Variants in PEX14 observed in about 807,000 individuals in gnomAD.
PEX14 encodes peroxisomal biogenesis factor 14.
PEX14 carries 15 observed loss-of-function variants against 49.5 expected under a neutral mutation model. That is an observed-to-expected ratio of 0.30 (90% CI 0.20 to 0.47). The LOEUF (loss-of-function observed/expected upper bound fraction) is 0.47. Among genes scored for constraint, PEX14 ranks in the 20% least tolerant of loss-of-function variants. The probability of loss-of-function intolerance (pLI) is 1.00; values close to 1 mark genes in which losing one functional copy is unlikely to be tolerated. For synonymous variants in PEX14, 210 were observed against 212.7 expected, an observed-to-expected ratio of 0.99 and a Z score of 0.11; for missense variants, 398 against 494.8, an observed-to-expected ratio of 0.80 and a Z score of 1.86.
intron 4 of PEX14, among the ~76,000 whole-genome samples, chr1:10,612,826 C>T (rs1367475331): frequency 1.3e-5 from 2 of 152,208 alleles, no homozygotes; most frequent in Non-Finnish European, 2.9e-5. Flanking sequence ...TTCAGGGTGG[C>T]TTCTGAGCGA....
chr1:10,561,411 A>G (rs1639650329), intron 3 of PEX14, among the ~76,000 whole-genome samples: 1 of 152,208 alleles, frequency 6.6e-6, no homozygotes, highest in East Asian at 1.9e-4. Context: ...GTTCCAATCA[A>G]TTGTTTTATA....
chr1:10,616,257 A>C, intron 4 of PEX14, among the ~76,000 whole-genome samples: 1 of 152,144 alleles, frequency 6.6e-6, no homozygotes, highest in African/African-American at 2.4e-5. Flanking sequence ...GCGTGCCAGC[A>C]GCCCCTTCCC....
At chr1:10,601,161 C>A (rs778629273) in intron 4 of PEX14, among the ~76,000 whole-genome samples, 6 of 149,470 alleles carry the variant, frequency 4.0e-5, no homozygotes, top group South Asian at 2.1e-4. Flanking sequence ...ACTCAGGAGG[C>A]TGAGGCAGGA....
At chr1:10,477,952 G>A (rs917711651) in intron 1 of PEX14, among the ~76,000 whole-genome samples, 4 of 152,068 alleles carry the variant, frequency 2.6e-5, no homozygotes, top group African/African-American at 7.2e-5. Context: ...GCAGTGGCGC[G>A]ATCTCGGCTT....
rs1006395340 is a variant in PEX14, at chr1:10,630,092, G to A, written c.*105G>A. On this transcript the variant is annotated 3_prime_UTR_variant, in exon 9 of 9. Transcript: ENST00000356607. The surrounding 1 kb of genome is among the most constrained non-coding windows in gnomAD (Gnocchi z 4.1). ...CCTGGGAGGGCAGCTTGGAGCCCAG[G>A]TAGGGGGCAGAGCTGTCCTCAGCTG... The A allele has an allele frequency of 2.1e-5, 32 of 1,544,508 alleles. No individual in the cohort carries two copies. The highest frequency in any genetic ancestry group is 2.8e-5 in the Non-Finnish European group (32 of 1,147,654).
At chr1:10,572,203 TC>T (rs1639997391) in intron 3 of PEX14, among the ~76,000 whole-genome samples, 1 of 152,108 alleles carries the variant, frequency 6.6e-6, no homozygotes, top group Non-Finnish European at 1.5e-5. Flanking sequence ...TAGTAAGGTC[TC>T]AATAATTACA....
chr1:10,530,992 C>T (rs1156484581), intron 2 of PEX14, among the ~76,000 whole-genome samples: 2 of 152,070 alleles, frequency 1.3e-5, no homozygotes, highest in Non-Finnish European at 2.9e-5. Flanking sequence ...TTGTGGTTGC[C>T]GCTGCTTCCT....
rs193028701 is a variant in PEX14 at position 10,562,996 on chromosome 1, C to G, written c.169+26699C>G. On this transcript the variant is annotated intron_variant, in intron 3 of 8. Coordinates refer to ENST00000356607, the MANE Select transcript of PEX14 (RefSeq NM_004565.3). ...GCATGATCTCGGCTCACTGCAACCT[C>G]CATCTCCCGGGTTCAAGCAATTCTC... 6.0e-5 allele frequency among the ~76,000 whole-genome samples: 9 copies of G among 150,506 alleles called. No homozygotes were observed. The East Asian group carries it at 1.8e-3, about 30-fold the overall frequency.
chr1:10,523,679 G>T (rs61777175), intron 2 of PEX14, among the ~76,000 whole-genome samples: 6,568 of 151,904 alleles, frequency 0.043, 317 homozygotes, highest in African/African-American at 0.11. Flanking sequence ...TTATCAGCAA[G>T]TTCAGAATTA....
chr1:10,477,033 C>A (rs684016), intron 1 of PEX14, among the ~76,000 whole-genome samples: 90,980 of 151,724 alleles, frequency 0.6, 28,587 homozygotes, highest in African/African-American at 0.81. Context: ...GTAGGATTGC[C>A]ACAGAACATG....
At chr1:10,595,265 G>C (rs981860068) in intron 3 of PEX14, among the ~76,000 whole-genome samples, 5 of 152,324 alleles carry the variant, frequency 3.3e-5, no homozygotes, top group Admixed American at 1.3e-4. Flanking sequence ...GATGTGAAAA[G>C]ATGAAGCGGC....
At chr1:10,557,999 C>G (rs1029439775) in intron 3 of PEX14, among the ~76,000 whole-genome samples, 2 of 152,078 alleles carry the variant, frequency 1.3e-5, no homozygotes, top group African/African-American at 4.8e-5. Context: ...GACATGTCAT[C>G]TTTTTCATCT....
chr1:10,533,800 T>G (rs1638717407), intron 2 of PEX14, among the ~76,000 whole-genome samples: 1 of 152,240 alleles, frequency 6.6e-6, no homozygotes, highest in African/African-American at 2.4e-5. Context: ...TTTATTGCAT[T>G]GTCCGATGGA....
chr1:10,549,280 T>C (rs1166645496), intron 3 of PEX14, among the ~76,000 whole-genome samples: 1 of 152,218 alleles, frequency 6.6e-6, no homozygotes, highest in African/African-American at 2.4e-5. Flanking sequence ...ACACTGACAG[T>C]AGTAAACCTA....
chr1:10,483,308 T>C (rs1163981905), intron 1 of PEX14, among the ~76,000 whole-genome samples: 1 of 151,694 alleles, frequency 6.6e-6, no homozygotes, highest in Non-Finnish European at 1.5e-5. Context: ...GGTGTGAACA[T>C]GGCCAAGTTT....
intron 1 of PEX14, among the ~76,000 whole-genome samples, chr1:10,477,502 C>A (rs1641216266): frequency 6.6e-6 from 1 of 152,210 alleles, no homozygotes; most frequent in Admixed American, 6.5e-5. Flanking sequence ...TTTCCCATTT[C>A]TCCGATTAAA....
chr1:10,506,042 G>C (rs1641776807), intron 2 of PEX14, among the ~76,000 whole-genome samples: 1 of 151,426 alleles, frequency 6.6e-6, no homozygotes, highest in Admixed American at 6.6e-5. Context: ...TTAAAACTGT[G>C]TCAAGAGCTT....
chr1:10,562,596 G>A (rs1003775943), intron 3 of PEX14, among the ~76,000 whole-genome samples: 2 of 152,188 alleles, frequency 1.3e-5, no homozygotes, highest in African/African-American at 4.8e-5. Flanking sequence ...AGAATACACA[G>A]GAGTGGTATT....
At chr1:10,509,870 T>G (rs1336532707) in intron 2 of PEX14, among the ~76,000 whole-genome samples, 1 of 152,258 alleles carries the variant, frequency 6.6e-6, no homozygotes, top group East Asian at 1.9e-4. Context: ...TGGCTTTTCC[T>G]GCCGAAGCAG....
Sources: allele counts gnomAD v4.1 joint callset (sites outside exome capture counted in the v4.1 genomes callset), GRCh38; gene constraint gnomAD v4.1.1; non-coding constraint Gnocchi (gnomAD v3.1); transcripts MANE v1.5; gene names NCBI Gene and HGNC (gene_info 2026-07-23, HGNC 2026-07-21).